Variants in PRDM16 observed in about 807,000 individuals in gnomAD.
PRDM16 encodes histone-lysine N-methyltransferase PRDM16.
In PRDM16, 23 loss-of-function variants were observed where a neutral mutation model predicts 110.6. The observed-to-expected ratio is 0.21, with a 90% CI of 0.15 to 0.29. The LOEUF (loss-of-function observed/expected upper bound fraction) is 0.29. Among genes scored for constraint, PRDM16 ranks in the 10% least tolerant of loss-of-function variants. The pLI is 1.00. For missense variants in PRDM16, 1,615 were observed against 1,794.3 expected, an observed-to-expected ratio of 0.90 and a Z score of 1.81; for synonymous variants, 799 against 781.8, an observed-to-expected ratio of 1.02 and a Z score of -0.37.
chr1:3,202,490 T>A (rs1433902039), intron 2 of PRDM16, among the ~76,000 whole-genome samples: 1 of 152,166 alleles, frequency 6.6e-6, no homozygotes, highest in African/African-American at 2.4e-5. Context: ...GACTTCAGAA[T>A]CCTAGGAGAG....
chr1:3,155,680 C>A (rs1056774043), intron 1 of PRDM16, among the ~76,000 whole-genome samples: 1 of 152,242 alleles, frequency 6.6e-6, no homozygotes, highest in African/African-American at 2.4e-5. Flanking sequence ...GCGCCGTTTT[C>A]CACTTTGCAA....
intron 1 of PRDM16, among the ~76,000 whole-genome samples, chr1:3,108,322 A>G (rs978295289): frequency 4.6e-5 from 7 of 152,276 alleles, no homozygotes; most frequent in Admixed American, 6.5e-5. Flanking sequence ...ATTTTTATGT[A>G]TGGTGTGAGG....
At chr1:3,235,702 G>A (rs535428279) in intron 2 of PRDM16, among the ~76,000 whole-genome samples, 26 of 152,342 alleles carry the variant, frequency 1.7e-4, no homozygotes, top group Non-Finnish European at 3.7e-4. Flanking sequence ...CGCCTGACAT[G>A]GGGGAAAGAG....
intron 1 of PRDM16, among the ~76,000 whole-genome samples, chr1:3,083,491 C>G (rs939786123): frequency 6.6e-6 from 1 of 152,212 alleles, no homozygotes; most frequent in East Asian, 1.9e-4. Flanking sequence ...GTTTCACCCA[C>G]AGCCTGGGCT....
At chr1:3,140,882 C>T (rs898127929) in intron 1 of PRDM16, among the ~76,000 whole-genome samples, 8 of 152,230 alleles carry the variant, frequency 5.3e-5, no homozygotes, top group East Asian at 1.9e-4. Flanking sequence ...GAAGAAAAGC[C>T]GGAGCTGGCG....
At chr1:3,187,508 C>T (rs999079309) in intron 2 of PRDM16, among the ~76,000 whole-genome samples, 1 of 152,220 alleles carries the variant, frequency 6.6e-6, no homozygotes, top group African/African-American at 2.4e-5. Context: ...CAGCCAGGTC[C>T]ATGCTCACTG....
chr1:3,283,187 C>T (rs906329918), intron 3 of PRDM16, among the ~76,000 whole-genome samples: 9 of 152,162 alleles, frequency 5.9e-5, no homozygotes, highest in African/African-American at 1.9e-4. Context: ...GTCACCTTCC[C>T]TCCTGCTTGG....
At chr1:3,336,724 T>C (rs572540851) in intron 3 of PRDM16, among the ~76,000 whole-genome samples, 1 of 147,570 alleles carries the variant, frequency 6.8e-6, no homozygotes, top group Admixed American at 6.7e-5. Flanking sequence ...ACATGTGTGT[T>C]GGTGTGAATC....
intron 14 of PRDM16, 94 bp from the exon 15 acceptor site, chr1:3,430,778 G>A (rs201066902): frequency 3.4e-5 from 49 of 1,422,450 alleles, no homozygotes; most frequent in Middle Eastern, 3.7e-4. Flanking sequence ...GTCGGGGGAG[G>A]CAGTGGGGGC....
At chr1:3,408,675 T>A (rs1340926747) in intron 8 of PRDM16, among the ~76,000 whole-genome samples, 1 of 134,710 alleles carries the variant, frequency 7.4e-6, no homozygotes, top group Non-Finnish European at 1.6e-5. Flanking sequence ...AGTGTGTGAG[T>A]GTGAGCACGT....
chr1:3,316,518 G>A (rs187726523), intron 3 of PRDM16, among the ~76,000 whole-genome samples: 17 of 152,340 alleles, frequency 1.1e-4, no homozygotes, highest in East Asian at 3.9e-4. Flanking sequence ...AAACATAGCC[G>A]AGAAGACAGG....
intron 2 of PRDM16, among the ~76,000 whole-genome samples, chr1:3,193,121 G>C (rs1306133851): frequency 6.6e-6 from 1 of 152,106 alleles, no homozygotes; most frequent in Non-Finnish European, 1.5e-5. Flanking sequence ...AGCAGACACA[G>C]CGGCCAGACG....
In PRDM16 at chr1:3,412,177, C is replaced by G. The variant is rs1481102666; in HGVS notation, c.1980C>G (p.Asn660Lys). The change falls in exon 9 of 17, where the codon AAC becomes AAG. Residue 660 changes from asparagine (N) to lysine (K), a missense_variant. Asn to Lys is a moderately conservative substitution (Grantham distance 94). Coordinates refer to ENST00000270722, the MANE Select transcript of PRDM16 (RefSeq NM_022114.4). ...GCTTGGCGCCCCCGGGGGCCCCGAA[C>G]AGCGTGGCCGAGGTGCCTGTCTTCT... ...GGGLAPPGAP[N>K]SVAEVPVFYS... 4 of 1,586,074 alleles carry G rather than the reference C, an allele frequency of 2.5e-6. No homozygotes were observed. Among genetic ancestry groups the G allele is most frequent in the Non-Finnish European group, 3.4e-6 (4 of 1,162,882 alleles).
At chr1:3,232,756 A>G (rs936262117) in intron 2 of PRDM16, among the ~76,000 whole-genome samples, 1 of 152,154 alleles carries the variant, frequency 6.6e-6, no homozygotes, top group Non-Finnish European at 1.5e-5. Context: ...ATATGGATCC[A>G]CTTTCGGATC....
intron 1 of PRDM16, among the ~76,000 whole-genome samples, chr1:3,183,597 G>A (rs761465260): frequency 8.5e-5 from 13 of 152,216 alleles, no homozygotes; most frequent in Admixed American, 2.6e-4. Context: ...AAGGGAGGCC[G>A]GGGGCCCAAT....
intron 3 of PRDM16, among the ~76,000 whole-genome samples, chr1:3,247,776 G>T (rs1639822940): frequency 6.6e-6 from 1 of 152,240 alleles, no homozygotes; most frequent in Non-Finnish European, 1.5e-5. Flanking sequence ...CGCCCTGGGC[G>T]CGCGTCACCG....
In PRDM16 at chr1:3,390,814, G is replaced by C. The variant is rs951662601; in HGVS notation, c.573+5528G>C. Among the ~76,000 whole-genome samples, 5 of 148,286 alleles carry C rather than the reference G, an allele frequency of 3.4e-5. No individual in the cohort carries two copies. Among genetic ancestry groups the C allele is most frequent in the Admixed American group, 1.3e-4 (2 of 14,826 alleles). On this transcript the variant is annotated intron_variant, in intron 4 of 16. Transcript: ENST00000270722. The surrounding 1 kb of genome is among the most constrained non-coding windows in gnomAD (Gnocchi z 5.0). ...CCCCAGACATGTTCATATTCCCTTT[G>C]CTTTTATCTCTCACAGTGTGTTTTT...
chr1:3,327,777 A>G (rs1641949433), intron 3 of PRDM16, among the ~76,000 whole-genome samples: 1 of 152,194 alleles, frequency 6.6e-6, no homozygotes, highest in East Asian at 1.9e-4. Flanking sequence ...AGAGATTCAC[A>G]GTAACCCCAC....
chr1:3,107,353 G>C (rs532949809), intron 1 of PRDM16, among the ~76,000 whole-genome samples: 1 of 152,264 alleles, frequency 6.6e-6, no homozygotes, highest in African/African-American at 2.4e-5. Flanking sequence ...TGGCTGGGCC[G>C]GGGGAGCCAT....
Sources: allele counts gnomAD v4.1 joint callset (sites outside exome capture counted in the v4.1 genomes callset), GRCh38; gene constraint gnomAD v4.1.1; non-coding constraint Gnocchi (gnomAD v3.1); transcripts MANE v1.5; gene names NCBI Gene and HGNC (gene_info 2026-07-23, HGNC 2026-07-21).